Variants in PUM3 observed in about 807,000 individuals in gnomAD.
PUM3 encodes the protein pumilio homolog 3.
PUM3 carries 91 observed loss-of-function variants against 84.0 expected under a neutral mutation model. The ratio of observed to expected loss-of-function variants is 1.08; its 90% confidence interval spans 0.91 to 1.29. PUM3 has a LOEUF of 1.29. Ranked by LOEUF, PUM3 falls within the 50% of genes most tolerant of loss-of-function variation. PUM3 has a pLI of 0.00. For missense variants in PUM3, 1,067 were observed against 767.5 expected (o/e 1.39, Z -4.61); for synonymous variants, 321 against 266.7 (o/e 1.20, Z -1.98).
intron 1 of PUM3, among the ~76,000 whole-genome samples, chr9:2,843,793 T>C (rs577214938): frequency 2.0e-5 from 3 of 151,956 alleles, no homozygotes; most frequent in Non-Finnish European, 4.4e-5. Flanking sequence ...TTAGCCAGGA[T>C]GGTCTCGATC....
At chr9:2,819,925 C>A in intron 13 of PUM3, 93 bp downstream of exon 13, 1 of 729,826 alleles carries the variant, frequency 1.4e-6, no homozygotes, top group Non-Finnish European at 2.4e-6. Context: ...GGCACAGCTG[C>A]AAGTCTTTAC....
At position 2,827,115 on chromosome 9, in the gene PUM3, T is replaced by C. The variant is rs1050712996; in HGVS notation, c.993A>G (p.Val331=). ...AVIKHSLVHK[V]FLDFFTYAPP... ...GTGCATAGGTAAAAAAGTCCAAGAA[T>C]ACTTTATGCACCAATGAGTGCTTAA... Residue 331 remains valine (V), a synonymous_variant, in exon 10 of 18, where the codon GTA becomes GTG. Transcript: ENST00000397885. 6.2e-7 allele frequency: 1 copy of C among 1,609,986 alleles called. No homozygotes were observed. Among genetic ancestry groups the C allele is most frequent in the Non-Finnish European group, 8.5e-7 (1 of 1,178,694 alleles).
rs577466799 is a variant in PUM3 at position 2,821,523 on chromosome 9, A to G, written c.1189-1425T>C. On this transcript the variant is annotated intron_variant, in intron 12 of 17. Transcript: ENST00000397885. ...ACAAATGTCTTTAAATGTATGAAAT[A>G]ATGCTTTATGAACTAATTAAGGACA... is the stretch of plus-strand genomic sequence containing the variant. Among the ~76,000 whole-genome samples the G allele has an allele frequency of 2.0e-5, 3 of 152,098 alleles. No homozygotes were observed. In the South Asian group the frequency reaches 6.2e-4, roughly 32 times the overall value.
chr9:2,818,744 G>A (rs981384812), intron 13 of PUM3, among the ~76,000 whole-genome samples: 4 of 152,152 alleles, frequency 2.6e-5, no homozygotes, highest in African/African-American at 9.7e-5. Flanking sequence ...CCCAAAGAAA[G>A]TCATCACAAT....
chr9:2,812,456 C>T (rs1249074161), intron 13 of PUM3, 94 bp from the exon 14 acceptor site: 4 of 832,840 alleles, frequency 4.8e-6, no homozygotes, highest in Non-Finnish European at 7.4e-6. Flanking sequence ...ATTTACTATG[C>T]TAAGCAAGGA....
chr9:2,832,166 A>G (rs1816000326), intron 5 of PUM3, among the ~76,000 whole-genome samples: 1 of 152,216 alleles, frequency 6.6e-6, no homozygotes, highest in Non-Finnish European at 1.5e-5. Context: ...TTTGTAAGAC[A>G]TCTCTTAAGT....
intron 8 of PUM3, 86 bp from the exon 9 acceptor site, chr9:2,828,864 A>G (rs1815897437): frequency 1.3e-6 from 1 of 786,842 alleles, no homozygotes; most frequent in Admixed American, 2.3e-5. Flanking sequence ...GTCATTTTAA[A>G]ATAAGTTTTA....
intron 11 of PUM3, among the ~76,000 whole-genome samples, chr9:2,824,472 A>G (rs573846556): frequency 6.6e-6 from 1 of 152,228 alleles, no homozygotes; most frequent in Non-Finnish European, 1.5e-5. Flanking sequence ...TACTTGCTTG[A>G]TAGATCTCTT....
Position 2,829,967 on chromosome 9 carries a change from T to C in PUM3, c.678-19A>G, listed in dbSNP as rs1815930709. 6.3e-7 allele frequency: 1 copy of C among 1,589,924 alleles called. No homozygotes were observed. The highest frequency in any genetic ancestry group is 8.6e-7 in the Non-Finnish European group (1 of 1,163,898). ...TTTACTTCTAAACGCAACACAATCA[T>C]GGAAAAATAAATGATAGAAGGAGAA... On this transcript the variant is annotated intron_variant, in intron 7 of 17. Coordinates refer to ENST00000397885, the MANE Select transcript of PUM3 (RefSeq NM_014878.5).
At chr9:2,826,994 G>T in intron 10 of PUM3, 79 bp downstream of exon 10, 1 of 1,061,698 alleles carries the variant, frequency 9.4e-7, no homozygotes, top group Non-Finnish European at 1.4e-6. Flanking sequence ...ACAAGACAAC[G>T]TACATCAAAG....
chr9:2,808,342 T>C (rs906024383), intron 16 of PUM3, among the ~76,000 whole-genome samples: 3 of 152,232 alleles, frequency 2.0e-5, no homozygotes, highest in Non-Finnish European at 4.4e-5. Flanking sequence ...AACACAGTGT[T>C]CACGTGTTCA....
chr9:2,807,926 A>G (rs1554636398), intron 16 of PUM3, 22 bp from the exon 17 acceptor site: 2 of 1,450,662 alleles, frequency 1.4e-6, no homozygotes, highest in Admixed American at 1.7e-5. Flanking sequence ...ACTGAAGCTT[A>G]GTGAACATCA....
chr9:2,811,424 A>G lies in PUM3; in HGVS notation c.1572T>C (p.Pro524=). The G allele has an allele frequency of 6.2e-7, 1 of 1,614,182 alleles. No homozygotes were observed. The highest frequency in any genetic ancestry group is 8.5e-7 in the Non-Finnish European group (1 of 1,180,038). The change falls in exon 15 of 18, where the codon CCT becomes CCC. Residue 524 remains proline, a synonymous_variant. Coordinates refer to ENST00000397885, the MANE Select transcript of PUM3 (RefSeq NM_014878.5). The stretch of plus-strand genomic sequence containing the variant: ...CCAAGCTGGCGATGGCATTCATGGT[A>G]GGCTGAACGTCTCCAGTGGCAGATC... ...ILGSATGDVQ[P]TMNAIASLAA...
At chr9:2,806,323 A>G (rs1821257432) in intron 17 of PUM3, among the ~76,000 whole-genome samples, 1 of 152,262 alleles carries the variant, frequency 6.6e-6, no homozygotes. Flanking sequence ...ACTAATTTTA[A>G]GCAGAAATGA....
intron 5 of PUM3, among the ~76,000 whole-genome samples, chr9:2,832,472 C>G (rs1816009608): frequency 6.6e-6 from 1 of 152,104 alleles, no homozygotes; most frequent in Non-Finnish European, 1.5e-5. Context: ...AATTCCTAGC[C>G]TATAGTAAAT....
intron 10 of PUM3, 106 bp downstream of exon 10, chr9:2,826,967 G>C (rs1216115110): frequency 1.3e-6 from 1 of 783,310 alleles, no homozygotes; most frequent in Admixed American, 3.0e-5. Flanking sequence ...AAATAAGGAA[G>C]CAACTCTAAA....
At chr9:2,837,077 T>C in intron 3 of PUM3, 103 bp downstream of exon 3, 1 of 976,770 alleles carries the variant, frequency 1.0e-6, no homozygotes, top group Non-Finnish European at 1.6e-6. Flanking sequence ...TCCCAAAATG[T>C]TACCTGCCAA....
At chr9:2,822,763 T>C (rs1456796132) in intron 12 of PUM3, among the ~76,000 whole-genome samples, 1 of 148,482 alleles carries the variant, frequency 6.7e-6, no homozygotes, top group African/African-American at 2.4e-5. Flanking sequence ...TATAACATTA[T>C]AATTCATATT....
At chr9:2,814,408 G>A (rs1455416710) in intron 13 of PUM3, among the ~76,000 whole-genome samples, 5 of 151,846 alleles carry the variant, frequency 3.3e-5, no homozygotes, top group African/African-American at 7.3e-5. Flanking sequence ...ATGGGGTTTC[G>A]CCATGTTGGC....
Sources: allele counts gnomAD v4.1 joint callset (sites outside exome capture counted in the v4.1 genomes callset), GRCh38; gene constraint gnomAD v4.1.1; transcripts MANE v1.5; gene names NCBI Gene and HGNC (gene_info 2026-07-23, HGNC 2026-07-21).